The following TCF7L1 variants were observed in gnomAD, a reference collection of about 807,000 sequenced individuals.
TCF7L1 encodes transcription factor 7 like 1.
Under a neutral mutation model 63.7 loss-of-function variants are expected in TCF7L1, and 18 were observed. The observed-to-expected ratio is 0.28, with a 90% CI of 0.20 to 0.42. The LOEUF is 0.42. TCF7L1 is among the 10% of genes least tolerant of loss of function. The pLI, the probability that TCF7L1 is intolerant of heterozygous loss-of-function variation, is 1.00. For synonymous variants in TCF7L1, 355 were observed against 340.9 expected (o/e 1.04, Z -0.46); for missense variants, 654 against 779.3 (o/e 0.84, Z 1.91).
At chr2:85,280,625 A>T (rs528658762) in intron 3 of TCF7L1, among the ~76,000 whole-genome samples, 6 of 152,304 alleles carry the variant, frequency 3.9e-5, no homozygotes, top group African/African-American at 1.4e-4. Flanking sequence ...TAGATTTGGG[A>T]TACTTCTCTT....
At chr2:85,157,294 C>G (rs1678171724) in intron 3 of TCF7L1, among the ~76,000 whole-genome samples, 1 of 152,286 alleles carries the variant, frequency 6.6e-6, no homozygotes, top group South Asian at 2.1e-4. Context: ...ATAGTTCTTT[C>G]CGAACTACTG....
chr2:85,309,223 G>A lies in TCF7L1; in HGVS notation c.1528G>A (p.Glu510Lys), dbSNP rs771772371. 6.2e-7 allele frequency: 1 copy of A among 1,614,024 alleles called. No individual in the cohort carries two copies. Among genetic ancestry groups the A allele is most frequent in the East Asian group, 2.2e-5 (1 of 44,872 alleles). Residue 510 changes from glutamate to lysine, a missense_variant, in exon 12 of 12, where the codon GAA (glutamate) becomes AAA (lysine). Glu to Lys is a moderately conservative substitution (Grantham distance 56). This residue lies in a region of TCF7L1 where 184 missense variants were observed against 204.0 expected (regional missense o/e 0.90). Transcript: ENST00000282111. ...AQPLSLTTKPETRAQLALHSA... is the reference protein window; with the variant it reads ...AQPLSLTTKPKTRAQLALHSA... ...GCCCCTCTCCCTCACCACCAAACCA[G>A]AAACCCGGGCCCAGCTGGCTCTCCA...
At chr2:85,185,294 G>A (rs1678891831) in intron 3 of TCF7L1, among the ~76,000 whole-genome samples, 1 of 151,794 alleles carries the variant, frequency 6.6e-6, no homozygotes, top group African/African-American at 2.4e-5. Context: ...GTGTTGCTCT[G>A]TCACCCAGGC....
rs563317409 is a variant in TCF7L1 at position 85,245,112 on chromosome 2, C to T, written c.442-38383C>T. The stretch of plus-strand genomic sequence containing the variant: ...CAGATTCCAGAATAGAATCTGGTAT[C>T]AAGACAGATACCAGGGAGAGGAGGC... On this transcript the variant is annotated intron_variant, in intron 3 of 11. Coordinates refer to ENST00000282111, the MANE Select transcript of TCF7L1 (RefSeq NM_031283.3). Among the ~76,000 whole-genome samples, 4 of 152,300 alleles carry T rather than the reference C, an allele frequency of 2.6e-5. No homozygotes were observed. In the East Asian group the frequency reaches 7.7e-4, roughly 29 times the overall value.
At chr2:85,308,819 G>A (rs1682206096) in intron 11 of TCF7L1, among the ~76,000 whole-genome samples, 1 of 152,140 alleles carries the variant, frequency 6.6e-6, no homozygotes, top group African/African-American at 2.4e-5. Context: ...GATGCTGGGT[G>A]GATCTTCATC....
At chr2:85,229,882 C>T (rs1328215167) in intron 3 of TCF7L1, among the ~76,000 whole-genome samples, 2 of 152,136 alleles carry the variant, frequency 1.3e-5, no homozygotes, top group Admixed American at 6.5e-5. Flanking sequence ...GTGGCACAGG[C>T]CTAGAGTCCC....
chr2:85,278,314 A>G (rs887095322), intron 3 of TCF7L1, among the ~76,000 whole-genome samples: 2 of 152,234 alleles, frequency 1.3e-5, no homozygotes, highest in Non-Finnish European at 2.9e-5. Context: ...CCTCTGAATA[A>G]TAAAGCCACA....
At chr2:85,241,557 C>T (rs1166267752) in intron 3 of TCF7L1, among the ~76,000 whole-genome samples, 1 of 149,346 alleles carries the variant, frequency 6.7e-6, no homozygotes, top group Non-Finnish European at 1.5e-5. Flanking sequence ...AGCGATTCTC[C>T]TGCCTTAGCC....
chr2:85,146,070 C>G lies in TCF7L1; in HGVS notation c.441+11620C>G, dbSNP rs187872190. On this transcript the variant is annotated intron_variant, in intron 3 of 11. Coordinates refer to ENST00000282111, the MANE Select transcript of TCF7L1 (RefSeq NM_031283.3). ...AACCTAACACCTGACTCATAATAAG[C>G]GATTCACTTGTTGATTGTTGACAAC... Among the ~76,000 whole-genome samples, 555 of 152,174 alleles carry G rather than the reference C, an allele frequency of 3.6e-3. 5 individuals carry two copies. Among genetic ancestry groups the G allele is most frequent in the African/African-American group, 0.013 (526 of 41,508 alleles).
Position 85,134,136 on chromosome 2 carries a change from A to G in TCF7L1, c.313+57A>G. On this transcript the variant is annotated intron_variant, in intron 2 of 11. Coordinates refer to ENST00000282111, the MANE Select transcript of TCF7L1 (RefSeq NM_031283.3). The surrounding 1 kb of genome is among the most constrained non-coding windows in gnomAD (Gnocchi z 5.0). ...CGATTCCCGCTGCGCTCCGCTGCTCAGCCCGGGCGGCCCACCGTCCCCCTT... is the reference window on the plus strand; with the variant it reads ...CGATTCCCGCTGCGCTCCGCTGCTCGGCCCGGGCGGCCCACCGTCCCCCTT... 3.2e-6 allele frequency: 5 copies of G among 1,584,992 alleles called. No homozygotes were observed. Among genetic ancestry groups the G allele is most frequent in the Non-Finnish European group, 4.3e-6 (5 of 1,164,584 alleles).
intron 3 of TCF7L1, among the ~76,000 whole-genome samples, chr2:85,240,939 T>C (rs1254155764): frequency 6.6e-6 from 1 of 152,168 alleles, no homozygotes; most frequent in Non-Finnish European, 1.5e-5. Context: ...ATAGTAAAAG[T>C]ATGTGATGCT....
chr2:85,276,664 TG>T (rs1258052901), intron 3 of TCF7L1, among the ~76,000 whole-genome samples: 2 of 152,048 alleles, frequency 1.3e-5, no homozygotes, highest in African/African-American at 4.8e-5. Context: ...AGGCAGAGGC[TG>T]TTCAACCCCT....
At chr2:85,136,713 A>G (rs780434847) in intron 3 of TCF7L1, among the ~76,000 whole-genome samples, 2 of 152,116 alleles carry the variant, frequency 1.3e-5, no homozygotes, top group African/African-American at 4.8e-5. Context: ...GTTCACGGAT[A>G]TACTGGGGAA....
At chr2:85,143,419 C>T (rs529946084) in intron 3 of TCF7L1, among the ~76,000 whole-genome samples, 1 of 152,228 alleles carries the variant, frequency 6.6e-6, no homozygotes, top group South Asian at 2.1e-4. Flanking sequence ...ATGGCTGCTC[C>T]GGCTGCTCTT....
rs546812160 is a variant in TCF7L1, at chr2:85,294,194, G to A, written c.526-8290G>A. 1.8e-4 allele frequency among the ~76,000 whole-genome samples: 28 copies of A among 151,884 alleles called. No homozygotes were observed. The East Asian group carries it at 5.0e-3, about 27-fold the overall frequency. The stretch of plus-strand genomic sequence containing the variant: ...TGGGACTACAGGCACCCGCCACCAC[G>A]CCCGGCTAATTTTTTGTGTTTTTAG... On this transcript the variant is annotated intron_variant, in intron 4 of 11. Coordinates refer to ENST00000282111, the MANE Select transcript of TCF7L1 (RefSeq NM_031283.3).
At chr2:85,209,139 G>A (rs549744689) in intron 3 of TCF7L1, among the ~76,000 whole-genome samples, 22 of 142,480 alleles carry the variant, frequency 1.5e-4, no homozygotes, top group African/African-American at 5.9e-4. Flanking sequence ...TGCCAGGAAG[G>A]CCCTTAGAAC....
At chr2:85,286,374 A>AC (rs200846506) in intron 4 of TCF7L1, among the ~76,000 whole-genome samples, 2,507 of 147,514 alleles carry the variant, frequency 0.017, 93 homozygotes, top group African/African-American at 0.062. Context: ...AAACAAACAA[A>AC]AAAAAAAACT....
At chr2:85,275,447 G>A (rs1681248794) in intron 3 of TCF7L1, among the ~76,000 whole-genome samples, 1 of 152,172 alleles carries the variant, frequency 6.6e-6, no homozygotes, top group Non-Finnish European at 1.5e-5. Context: ...GAAAGCAGAG[G>A]AAAGAGGTGT....
Position 85,218,641 on chromosome 2 carries a change from G to A in TCF7L1, c.442-64854G>A, listed in dbSNP as rs1022901660. On this transcript the variant is annotated intron_variant, in intron 3 of 11. Coordinates refer to ENST00000282111, the MANE Select transcript of TCF7L1 (RefSeq NM_031283.3). ...GTTAAAATATCTTTTTATTCCAATGGGGGGGGGAAAACTGGTGATAGTGTT... is the reference window on the plus strand; with the variant it reads ...GTTAAAATATCTTTTTATTCCAATGAGGGGGGGAAAACTGGTGATAGTGTT... Among the ~76,000 whole-genome samples the A allele has an allele frequency of 4.8e-4, 67 of 140,126 alleles. 1 individual carries two copies. The highest frequency in any genetic ancestry group is 1.6e-3 in the African/African-American group (63 of 40,268). 91.9% of individuals were successfully genotyped at this position (140,126 alleles called of 152,430 possible).
Sources: allele counts gnomAD v4.1 joint callset (sites outside exome capture counted in the v4.1 genomes callset), GRCh38; gene constraint gnomAD v4.1.1; regional missense constraint gnomAD v4.1.1; non-coding constraint Gnocchi (gnomAD v3.1); transcripts MANE v1.5; gene names NCBI Gene and HGNC (gene_info 2026-07-23, HGNC 2026-07-21).